Variants in DLGAP1 observed in about 807,000 individuals in gnomAD.
DLGAP1 encodes DLG associated protein 1.
DLGAP1 carries 11 observed loss-of-function variants against 90.8 expected under a neutral mutation model. The ratio of observed to expected loss-of-function variants is 0.12; its 90% CI spans 0.08 to 0.20. DLGAP1 has a LOEUF of 0.20. Ranked by LOEUF, DLGAP1 falls within the 10% of genes least tolerant of loss-of-function variation. The pLI is 1.00. For synonymous variants in DLGAP1, 558 were observed against 540.7 expected, an observed-to-expected ratio of 1.03 and a Z score of -0.44; for missense variants, 1,050 against 1,333.8, an observed-to-expected ratio of 0.79 and a Z score of 3.31.
intron 2 of DLGAP1, among the ~76,000 whole-genome samples, chr18:4,015,118 A>G (rs1016500372): frequency 5.9e-5 from 9 of 151,968 alleles, no homozygotes; most frequent in African/African-American, 2.2e-4. Context: ...CCTGACGGTG[A>G]CTCTTCTGTG....
chr18:4,135,068 C>T (rs536390425), intron 2 of DLGAP1, among the ~76,000 whole-genome samples: 1 of 152,074 alleles, frequency 6.6e-6, no homozygotes, highest in African/African-American at 2.4e-5. Context: ...GTTTGATCTC[C>T]AAACTCTCTC....
At chr18:3,522,891 A>G (rs2051305644) in intron 10 of DLGAP1, among the ~76,000 whole-genome samples, 1 of 152,170 alleles carries the variant, frequency 6.6e-6, no homozygotes, top group South Asian at 2.1e-4. Context: ...CAATGGGAAA[A>G]GGATAGCCTA....
At chr18:3,754,222 T>C (rs946417772) in intron 5 of DLGAP1, among the ~76,000 whole-genome samples, 8 of 152,132 alleles carry the variant, frequency 5.3e-5, no homozygotes, top group African/African-American at 1.9e-4. Flanking sequence ...AGGCTGGTCT[T>C]GAACTCTTGG....
At chr18:3,801,292 G>T (rs2066276844) in intron 5 of DLGAP1, among the ~76,000 whole-genome samples, 1 of 152,112 alleles carries the variant, frequency 6.6e-6, no homozygotes, top group African/African-American at 2.4e-5. Context: ...CCTGTCCTTG[G>T]TTGGCTTTTG....
At chr18:3,831,397 C>A (rs1476890883) in intron 4 of DLGAP1, among the ~76,000 whole-genome samples, 2 of 151,982 alleles carry the variant, frequency 1.3e-5, no homozygotes, top group Non-Finnish European at 2.9e-5. Context: ...TTTGTTGGAT[C>A]ACCAGTCCTT....
At chr18:4,320,823 C>T (rs615549) in intron 1 of DLGAP1, among the ~76,000 whole-genome samples, 77,669 of 151,706 alleles carry the variant, frequency 0.51, 21,174 homozygotes, top group African/African-American at 0.71. Context: ...AATTCTGAGA[C>T]GTTTAATGAA....
intron 1 of DLGAP1, among the ~76,000 whole-genome samples, chr18:4,370,436 A>G (rs2081891045): frequency 6.6e-6 from 1 of 152,220 alleles, no homozygotes; most frequent in Non-Finnish European, 1.5e-5. Context: ...AGTTAAAACT[A>G]TGGTAATTAC....
intron 9 of DLGAP1, among the ~76,000 whole-genome samples, chr18:3,551,176 TACACATACATATAA>T (rs1568178648): frequency 0.044 from 183 of 4,142 alleles, 2 homozygotes; most frequent in African/African-American, 0.058. Context: ...TATATATATA[TACACATACATATAA>T]ATGCTTTTTT....
intron 7 of DLGAP1, among the ~76,000 whole-genome samples, chr18:3,643,550 C>G (rs1356843911): frequency 6.6e-6 from 1 of 150,608 alleles, no homozygotes; most frequent in Non-Finnish European, 1.5e-5. Context: ...GTAGTTCCAG[C>G]TACTTGGGAG....
At chr18:3,745,375 A>G (rs2063224929) in intron 5 of DLGAP1, among the ~76,000 whole-genome samples, 1 of 152,260 alleles carries the variant, frequency 6.6e-6, no homozygotes, top group African/African-American at 2.4e-5. Flanking sequence ...AAACCGTTGT[A>G]AAAAATTACG....
At chr18:4,316,519 C>T (rs1246660116) in intron 1 of DLGAP1, among the ~76,000 whole-genome samples, 14 of 152,126 alleles carry the variant, frequency 9.2e-5, no homozygotes, top group Admixed American at 7.2e-4. Flanking sequence ...CAGAAAACCA[C>T]GGTCCTCTCC....
intron 1 of DLGAP1, among the ~76,000 whole-genome samples, chr18:4,199,152 T>G (rs1407870021): frequency 6.6e-6 from 1 of 152,230 alleles, no homozygotes; most frequent in Non-Finnish European, 1.5e-5. Flanking sequence ...TGAGGCTGTG[T>G]GCAAGCTGCT....
intron 3 of DLGAP1, among the ~76,000 whole-genome samples, chr18:3,973,290 C>CAAAAAAAA (rs3031700): frequency 7.4e-6 from 1 of 134,876 alleles, no homozygotes; most frequent in Non-Finnish European, 1.6e-5. Flanking sequence ...TAGCCATAGC[C>CAAAAAAAA]AAAAAAAAAA....
At chr18:3,897,329 A>G (rs1043742928) in intron 3 of DLGAP1, among the ~76,000 whole-genome samples, 1 of 152,212 alleles carries the variant, frequency 6.6e-6, no homozygotes, top group African/African-American at 2.4e-5. Context: ...TAACCTTGAT[A>G]TAGAAGGGAG....
At chr18:3,676,578 C>G (rs529159709) in intron 7 of DLGAP1, among the ~76,000 whole-genome samples, 2 of 152,214 alleles carry the variant, frequency 1.3e-5, no homozygotes, top group African/African-American at 4.8e-5. Context: ...TACAAAAACC[C>G]CTTTTACAAT....
chr18:3,701,280 C>G lies in DLGAP1; in HGVS notation c.1591+27855G>C, dbSNP rs767953789. Among the ~76,000 whole-genome samples the G allele has an allele frequency of 1.3e-3, 203 of 152,244 alleles. 1 individual carries two copies. The highest frequency in any genetic ancestry group is 2.4e-3 in the Non-Finnish European group (164 of 68,026). On this transcript the variant is annotated intron_variant, in intron 7 of 12. Coordinates refer to ENST00000315677, the MANE Select transcript of DLGAP1 (RefSeq NM_004746.4). ...AAACAGTCCGGATCCAGGGTGAAAG[C>G]CTTCTTCAGCTATTCTTCATTCTGT...
chr18:3,505,626 G>A (rs1274490780), intron 11 of DLGAP1, among the ~76,000 whole-genome samples: 1 of 127,280 alleles, frequency 7.9e-6, no homozygotes, highest in Non-Finnish European at 1.6e-5. Flanking sequence ...GCAACAGAGT[G>A]AGACTCCCTC....
chr18:3,860,357 C>T (rs1303360696), intron 4 of DLGAP1, among the ~76,000 whole-genome samples: 5 of 152,166 alleles, frequency 3.3e-5, no homozygotes, highest in African/African-American at 9.7e-5. Context: ...TATAATGTCC[C>T]ATTTCCAAGC....
intron 2 of DLGAP1, among the ~76,000 whole-genome samples, chr18:4,030,573 G>T (rs1256638923): frequency 6.6e-6 from 1 of 151,912 alleles, no homozygotes; most frequent in Non-Finnish European, 1.5e-5. Flanking sequence ...TTGAGTGAAG[G>T]TTGCCAAGTG....
Sources: gnomAD v4.1 joint callset for allele counts (sites outside exome capture counted in the v4.1 genomes callset) on GRCh38, gnomAD v4.1.1 for gene constraint, MANE v1.5 for transcripts, NCBI Gene and HGNC (gene_info 2026-07-23, HGNC 2026-07-21) for gene names.